The following DST variants were observed in gnomAD, a reference collection of about 807,000 sequenced individuals.
DST encodes the protein dystonin.
DST carries 253 observed loss-of-function variants against 875.2 expected under a neutral mutation model. That is an observed-to-expected ratio of 0.29 (90% CI 0.26 to 0.32). The LOEUF is 0.32. Among genes scored for constraint, DST ranks in the 10% least tolerant of loss-of-function variants. DST has a pLI of 1.00. For synonymous variants in DST, 3,124 were observed against 3,197.1 expected (o/e 0.98, Z 0.77); for missense variants, 8,287 against 9,111.6 (o/e 0.91, Z 3.68).
rs777088361 is a variant in DST at position 56,610,435 on chromosome 6, C to G, written c.5275G>C (p.Glu1759Gln). Residue 1759 changes from glutamate (E) to glutamine (Q), a missense_variant, in exon 39 of 104, where the codon GAG (glutamate) becomes CAG (glutamine). By Grantham distance (29) the Glu-to-Gln change is conservative. Coordinates refer to ENST00000680361, the MANE Select transcript of DST (RefSeq NM_001374736.1). ...TAAATAAATAATATTACCTTCTCCT[C>G]TACCTTTACATCTCCTGAGGTTTGT... is the stretch of plus-strand genomic sequence containing the variant. ...ESQTSGDVKV[E>Q]EKLDKVIAGT... The G allele has an allele frequency of 6.4e-7, 1 of 1,556,220 alleles. No individual in the cohort carries two copies. The highest frequency in any genetic ancestry group is 1.4e-5 in the African/African-American group (1 of 73,236).
chr6:56,841,491 T>C (rs2099799961), intron 4 of DST, among the ~76,000 whole-genome samples: 1 of 152,198 alleles, frequency 6.6e-6, no homozygotes, highest in Admixed American at 6.5e-5. Flanking sequence ...TCCTTTTATT[T>C]CCAAAGGCAA....
chr6:56,636,104 C>G (rs2098821620), intron 23 of DST, among the ~76,000 whole-genome samples: 1 of 151,958 alleles, frequency 6.6e-6, no homozygotes, highest in African/African-American at 2.4e-5. Context: ...ATAAGAGACA[C>G]ATTTGTAGAA....
chr6:56,773,461 A>G (rs944459503), intron 4 of DST, among the ~76,000 whole-genome samples: 2 of 152,142 alleles, frequency 1.3e-5, no homozygotes, highest in Non-Finnish European at 2.9e-5. Flanking sequence ...TCTATACACT[A>G]TATCTCTAAG....
intron 79 of DST, 88 bp downstream of exon 79, chr6:56,501,432 T>A: frequency 1.7e-6 from 2 of 1,200,310 alleles, no homozygotes; most frequent in Non-Finnish European, 2.2e-6. Flanking sequence ...GAAGCAGAAA[T>A]AATTCTAATT....
At chr6:56,877,826 G>A (rs191130877) in intron 3 of DST, among the ~76,000 whole-genome samples, 1 of 152,280 alleles carries the variant, frequency 6.6e-6, no homozygotes, top group Admixed American at 6.5e-5. Flanking sequence ...GTTTTTATTG[G>A]TTTGCTATAA....
intron 72 of DST, among the ~76,000 whole-genome samples, chr6:56,512,286 T>C (rs1002984009): frequency 1.3e-5 from 2 of 152,208 alleles, no homozygotes; most frequent in African/African-American, 4.8e-5. Flanking sequence ...TGGATCCCCA[T>C]TCCCTTTAAT....
rs376570486 is a variant in DST, at chr6:56,954,479, A to C, written c.109T>G (p.Cys37Gly). 2 of 1,367,456 alleles carry C rather than the reference A, an allele frequency of 1.5e-6. No individual in the cohort carries two copies. Among genetic ancestry groups the C allele is most frequent in the African/African-American group, 3.0e-5 (2 of 67,754 alleles). The allele number at this position is 1,367,456 out of a possible 1,614,324, so 84.7% of individuals were successfully genotyped here. ...CCTTTCTGGAGCTTGCGGTGCCAGCAGCAGAAGAAGACGATGGTGGCGATG... is the reference window on the plus strand; with the variant it reads ...CCTTTCTGGAGCTTGCGGTGCCAGCCGCAGAAGAAGACGATGGTGGCGATG... The part of the protein sequence containing the change: ...GTIATIVFFC[C>G]WHRKLQKGRH... The change falls in exon 1 of 104, where the codon TGC becomes GGC. Residue 37 changes from cysteine (C) to glycine (G), a missense_variant. Cys to Gly is a radical substitution (Grantham distance 159). Transcript: ENST00000680361.
At chr6:56,616,903 T>A in intron 36 of DST, 3 of 1,612,012 alleles carry the variant, frequency 1.9e-6, no homozygotes, top group Non-Finnish European at 2.5e-6. Context: ...CAACAGAATA[T>A]GTCTGACCTG....
chr6:56,780,972 T>C (rs1310409259), intron 4 of DST, among the ~76,000 whole-genome samples: 3 of 152,258 alleles, frequency 2.0e-5, no homozygotes, highest in Non-Finnish European at 2.9e-5. Flanking sequence ...GCACCATTTA[T>C]TAAATAGGGA....
chr6:56,613,699 A>C (rs930907213), intron 37 of DST, among the ~76,000 whole-genome samples: 1 of 152,198 alleles, frequency 6.6e-6, no homozygotes, highest in South Asian at 2.1e-4. Context: ...AACTACCAAC[A>C]TCCTAAGAGC....
Position 56,573,685 on chromosome 6 carries a change from T to C in DST, c.13230A>G (p.Lys4410=), listed in dbSNP as rs2097815897. 6.2e-7 allele frequency: 1 copy of C among 1,611,980 alleles called. No individual in the cohort carries two copies. The highest frequency in any genetic ancestry group is 8.5e-7 in the Non-Finnish European group (1 of 1,178,442). ...NSTALQDIIS[K]NIMLEQDIAG... is the part of the protein sequence containing the mutation. The stretch of plus-strand genomic sequence containing the variant: ...TTTTTTTAAAGTCACTTACAATGTT[T>C]TTACTGATAATATCCTGAAGAGCAG... The change falls in exon 51 of 104, where the codon AAA becomes AAG. Residue 4410 remains lysine (K), a synonymous_variant. Coordinates refer to ENST00000680361, the MANE Select transcript of DST (RefSeq NM_001374736.1).
intron 4 of DST, among the ~76,000 whole-genome samples, chr6:56,847,284 C>T (rs1455751175): frequency 6.6e-6 from 1 of 152,196 alleles, no homozygotes; most frequent in East Asian, 1.9e-4. Flanking sequence ...CATGCTAGTG[C>T]ACTCCACCCT....
At chr6:56,610,342 T>A in intron 39 of DST, 85 bp downstream of exon 39, 1 of 1,067,506 alleles carries the variant, frequency 9.4e-7, no homozygotes, top group Non-Finnish European at 1.3e-6. Context: ...CAAGGTCATT[T>A]CTTTATTATT....
At chr6:56,526,257 G>A (rs2096795220) in intron 69 of DST, 104 bp downstream of exon 69, 2 of 1,206,962 alleles carry the variant, frequency 1.7e-6, no homozygotes, top group Admixed American at 4.6e-5. Flanking sequence ...TGGAAGCACA[G>A]CAAATGAATG....
intron 4 of DST, among the ~76,000 whole-genome samples, chr6:56,755,063 T>A (rs559074465): frequency 6.6e-6 from 1 of 151,660 alleles, no homozygotes; most frequent in Non-Finnish European, 1.5e-5. Context: ...AGAAAATGTA[T>A]GAAATGTATA....
intron 4 of DST, among the ~76,000 whole-genome samples, chr6:56,762,737 G>A (rs2099620306): frequency 6.6e-6 from 1 of 151,690 alleles, no homozygotes; most frequent in South Asian, 2.1e-4. Flanking sequence ...ATTTTGAAAT[G>A]TGAGATATTT....
At chr6:56,798,420 G>GC (rs1320805092) in intron 4 of DST, among the ~76,000 whole-genome samples, 2 of 152,174 alleles carry the variant, frequency 1.3e-5, no homozygotes, top group South Asian at 4.1e-4. Flanking sequence ...AGAAAAACAT[G>GC]CCTGGATGAC....
chr6:56,476,874 C>T (rs916500638), intron 91 of DST, among the ~76,000 whole-genome samples: 24 of 152,174 alleles, frequency 1.6e-4, no homozygotes, highest in South Asian at 8.3e-4. Context: ...ACTGCTTGAA[C>T]CTAGGAGGCA....
intron 39 of DST, among the ~76,000 whole-genome samples, chr6:56,609,645 T>C (rs1213078126): frequency 6.6e-6 from 1 of 152,144 alleles, no homozygotes; most frequent in African/African-American, 2.4e-5. Flanking sequence ...TAGATGATGA[T>C]AGTGAGAAAA....
Sources: allele counts gnomAD v4.1 joint callset (sites outside exome capture counted in the v4.1 genomes callset), GRCh38; gene constraint gnomAD v4.1.1; transcripts MANE v1.5; gene names NCBI Gene and HGNC (gene_info 2026-07-23, HGNC 2026-07-21).